ERICH1: variants seen among roughly 807,000 people sequenced by gnomAD.
The protein encoded by ERICH1 is glutamate-rich protein 1.
A neutral mutation model predicts 39.6 loss-of-function variants in ERICH1; 56 were observed. The observed-to-expected ratio is 1.41, with a 90% CI of 1.14 to 1.77. The LOEUF is 1.77. Among genes scored for constraint, ERICH1 ranks in the 40% most tolerant of loss-of-function variants. The pLI, the probability that ERICH1 is intolerant of heterozygous loss-of-function variation, is 0.00. For synonymous variants in ERICH1, 313 were observed against 223.6 expected (o/e 1.40, Z -3.57); for missense variants, 826 against 575.4 (o/e 1.44, Z -4.45).
intron 3 of ERICH1, among the ~76,000 whole-genome samples, chr8:639,503 G>A (rs1382123020): frequency 3.3e-5 from 5 of 152,198 alleles, no homozygotes; most frequent in Non-Finnish European, 5.9e-5. Context: ...CAAAGAGCCG[G>A]TCTGTCATCA....
intron 3 of ERICH1, among the ~76,000 whole-genome samples, chr8:657,365 G>A (rs553967504): frequency 1.1e-4 from 16 of 152,064 alleles, no homozygotes; most frequent in African/African-American, 3.9e-4. Context: ...CAGGACTGGA[G>A]TGTCTCTGGT....
intron 2 of ERICH1, among the ~76,000 whole-genome samples, chr8:695,908 T>C (rs1810136679): frequency 1.7e-5 from 1 of 60,262 alleles, no homozygotes. Context: ...CAGCCTGCAC[T>C]CGCTCCTCTC....
chr8:654,786 A>C (rs1800405145), intron 3 of ERICH1, among the ~76,000 whole-genome samples: 1 of 152,124 alleles, frequency 6.6e-6, no homozygotes, highest in East Asian at 1.9e-4. Context: ...AGGGGCAGGC[A>C]GTGGTGTCCA....
At chr8:632,684 G>A (rs111471933) in intron 3 of ERICH1, among the ~76,000 whole-genome samples, 165 of 152,326 alleles carry the variant, frequency 1.1e-3, no homozygotes, top group African/African-American at 3.8e-3. Context: ...CACAAGCCAC[G>A]GACACGCTCA....
In ERICH1 at chr8:676,405, GCGGCGCCCCCTCGGCGAGGACAGAGA is replaced by G. The variant is rs1804774381; in HGVS notation, c.305-2384_305-2359del. ...GGCGGCCCCTCGTGAGGACAGAGAC[GCGGCGCCCCCTCGGCGAGGACAGAGA>G]CGCGGCGGCCCCTCGGCGAGGACAG... On this transcript the variant is annotated intron_variant, in intron 3 of 5. Coordinates refer to ENST00000262109, the MANE Select transcript of ERICH1 (RefSeq NM_207332.3). Among the ~76,000 whole-genome samples the G allele has an allele frequency of 1.7e-4, 4 of 23,136 alleles. 1 individual carries two copies. Among genetic ancestry groups the G allele is most frequent in the African/African-American group, 7.9e-4 (3 of 3,782 alleles). The allele number at this position is 23,136 out of a possible 152,430, so 15.2% of individuals were successfully genotyped here. A position where few individuals can be genotyped will look rare whatever the true frequency, so the allele number is the denominator to read the frequency against.
chr8:624,758 G>A (rs921540999), intron 3 of ERICH1, among the ~76,000 whole-genome samples: 9 of 151,108 alleles, frequency 6.0e-5, no homozygotes, highest in Non-Finnish European at 1.2e-4. Context: ...AGACAGTCTC[G>A]CTCTGTCACC....
intron 4 of ERICH1, among the ~76,000 whole-genome samples, chr8:672,570 C>T (rs541920516): frequency 6.6e-6 from 1 of 152,158 alleles, no homozygotes; most frequent in Non-Finnish European, 1.5e-5. Flanking sequence ...TGAAAAGACA[C>T]CTATACCCAC....
At chr8:702,965 C>G (rs566302794) in intron 2 of ERICH1, among the ~76,000 whole-genome samples, 13 of 152,348 alleles carry the variant, frequency 8.5e-5, no homozygotes, top group African/African-American at 2.6e-4. Flanking sequence ...CAAGAAGCTG[C>G]AGAGAGCCGG....
In ERICH1 at chr8:668,517, T is replaced by C. The variant is rs776092523; in HGVS notation, c.1258+81A>G. 4 of 1,462,628 alleles carry C rather than the reference T, an allele frequency of 2.7e-6. No individual in the cohort carries two copies. In the Admixed American group the frequency reaches 5.0e-5, roughly 18 times the overall value. 90.6% of individuals were successfully genotyped at this position (1,462,628 alleles called of 1,614,324 possible). ...CATATTTTCCAACTCATTGCTGTTT[T>C]GGTGGCGTGTAAGTCTTTCAGAGGC... On this transcript the variant is annotated intron_variant, in intron 5 of 5. Transcript: ENST00000262109.
intron 4 of ERICH1, among the ~76,000 whole-genome samples, chr8:670,226 T>C (rs529412611): frequency 5.1e-4 from 78 of 152,346 alleles, no homozygotes; most frequent in Admixed American, 1.8e-3. Flanking sequence ...TTGATTATTT[T>C]AGTAGATTCA....
At chr8:656,917 A>C (rs1183285881) in intron 3 of ERICH1, 6 of 859,598 alleles carry the variant, frequency 7.0e-6, no homozygotes, top group Non-Finnish European at 8.4e-6. Context: ...TAAACAATAC[A>C]CTCCTTATAT....
At chr8:724,149 C>G (rs1563364727) in intron 1 of ERICH1, among the ~76,000 whole-genome samples, 1 of 152,154 alleles carries the variant, frequency 6.6e-6, no homozygotes, top group Non-Finnish European at 1.5e-5. Context: ...ACATGGGATC[C>G]TCACGTAGGA....
At chr8:689,123 T>G (rs1447996735) in intron 3 of ERICH1, among the ~76,000 whole-genome samples, 3 of 36,462 alleles carry the variant, frequency 8.2e-5, no homozygotes, top group Non-Finnish European at 6.1e-5. Flanking sequence ...CTTTTTTTTC[T>G]TTTTTTGAGG....
chr8:651,807 T>C (rs1799987430), intron 3 of ERICH1, among the ~76,000 whole-genome samples: 1 of 152,068 alleles, frequency 6.6e-6, no homozygotes, highest in Non-Finnish European at 1.5e-5. Flanking sequence ...CACTCTGACA[T>C]CATTGTCAAC....
At chr8:679,762 T>C (rs1563245637) in intron 3 of ERICH1, among the ~76,000 whole-genome samples, 1 of 152,044 alleles carries the variant, frequency 6.6e-6, no homozygotes, top group Non-Finnish European at 1.5e-5. Context: ...TGTGGTCACC[T>C]CCACACTGGG....
intron 3 of ERICH1, among the ~76,000 whole-genome samples, chr8:635,267 G>T (rs186768): frequency 6.6e-6 from 1 of 152,004 alleles, no homozygotes; most frequent in Non-Finnish European, 1.5e-5. Context: ...CTTGAGTTGC[G>T]TCAGGTCCAT....
At chr8:718,228 G>C (rs1184634667) in intron 1 of ERICH1, among the ~76,000 whole-genome samples, 1 of 151,296 alleles carries the variant, frequency 6.6e-6, no homozygotes, top group Non-Finnish European at 1.5e-5. Context: ...AACACACCAG[G>C]GTATGGATCG....
intron 2 of ERICH1, among the ~76,000 whole-genome samples, chr8:698,174 A>T (rs1311684996): frequency 6.6e-6 from 1 of 151,828 alleles, no homozygotes; most frequent in Non-Finnish European, 1.5e-5. Flanking sequence ...ATTTTAATGC[A>T]TCCTGTAAAC....
intron 2 of ERICH1, among the ~76,000 whole-genome samples, chr8:711,154 C>G: frequency 6.6e-6 from 1 of 152,166 alleles, no homozygotes; most frequent in East Asian, 1.9e-4. Context: ...TACATATTTT[C>G]CTTGGTGAGG....
Sources: allele counts gnomAD v4.1 joint callset (sites outside exome capture counted in the v4.1 genomes callset), GRCh38; gene constraint gnomAD v4.1.1; transcripts MANE v1.5; gene names NCBI Gene and HGNC (gene_info 2026-07-23, HGNC 2026-07-21).